Variants in WLS observed in about 807,000 individuals in gnomAD.
WLS encodes the protein protein wntless homolog.
WLS carries 23 observed loss-of-function variants against 62.8 expected under a neutral mutation model. That is an observed-to-expected ratio of 0.37 (90% CI 0.26 to 0.52). The LOEUF is 0.52. WLS is among the 20% of genes least tolerant of loss of function. The pLI, the probability that WLS is intolerant of heterozygous loss-of-function variation, is 0.92. For missense variants in WLS, 615 were observed against 697.3 expected (o/e 0.88, Z 1.33); for synonymous variants, 246 against 244.1 (o/e 1.01, Z -0.07).
intron 2 of WLS, among the ~76,000 whole-genome samples, chr1:68,186,204 T>C (rs1647928453): frequency 6.6e-6 from 1 of 152,216 alleles, no homozygotes; most frequent in Non-Finnish European, 1.5e-5. Flanking sequence ...TTCTATAGTG[T>C]AAGTCAATGC....
intron 1 of WLS, among the ~76,000 whole-genome samples, chr1:68,210,307 C>T (rs1056953049): frequency 2.6e-5 from 4 of 152,138 alleles, no homozygotes; most frequent in African/African-American, 7.2e-5. Flanking sequence ...GGTATTTTAA[C>T]TGGAGAAGAG....
intron 8 of WLS, among the ~76,000 whole-genome samples, chr1:68,146,846 T>C (rs1004896660): frequency 6.6e-6 from 1 of 152,050 alleles, no homozygotes; most frequent in Non-Finnish European, 1.5e-5. Flanking sequence ...GGAAGGCAGA[T>C]GACCTGATTC....
intron 1 of WLS, among the ~76,000 whole-genome samples, chr1:68,230,570 CGTGTGTGTGTGTGCGCGCGT>C (rs1650359545): frequency 8.4e-6 from 1 of 118,586 alleles, no homozygotes; most frequent in Non-Finnish European, 1.8e-5. Context: ...AAAGCCAACC[CGTGTGTGTGTGTGCGCGCGT>C]GTGTGTGTGT....
chr1:68,161,782 TC>T (rs1160453816), intron 2 of WLS: 25 of 1,601,244 alleles, frequency 1.6e-5, no homozygotes, highest in South Asian at 9.0e-5. Context: ...CTCTCGATTG[TC>T]CCCGTGTTTT....
At chr1:68,120,088 T>A (rs1646345378) in intron 11 of WLS, among the ~76,000 whole-genome samples, 1 of 152,170 alleles carries the variant, frequency 6.6e-6, no homozygotes. Context: ...TCACAGCAGA[T>A]CTGCATCAGG....
intron 11 of WLS, among the ~76,000 whole-genome samples, chr1:68,115,546 C>G (rs1646280625): frequency 6.6e-6 from 1 of 152,196 alleles, no homozygotes; most frequent in African/African-American, 2.4e-5. Context: ...CTCAACCTCT[C>G]TGAGCTCCAG....
chr1:68,127,043 T>C, intron 11 of WLS: 1 of 376,316 alleles, frequency 2.7e-6, no homozygotes, highest in Non-Finnish European at 5.2e-6. Context: ...AAATTTGTTT[T>C]AATTACCTGC....
chr1:68,227,279 G>A (rs1451631739), intron 1 of WLS, among the ~76,000 whole-genome samples: 3 of 151,968 alleles, frequency 2.0e-5, no homozygotes, highest in African/African-American at 7.3e-5. Context: ...TTAGCTGGGC[G>A]TGGTAGCAGG....
In WLS at chr1:68,125,485, CAAGAA is replaced by C; in HGVS notation, c.*736_*740del. The C allele has an allele frequency of 1.0e-6, 1 of 985,348 alleles. No individual in the cohort carries two copies. Among genetic ancestry groups the C allele is most frequent in the Non-Finnish European group, 1.2e-6 (1 of 829,908 alleles). The allele number at this position is 985,348 out of a possible 1,614,324, so 61.0% of individuals were successfully genotyped here. On this transcript the variant is annotated 3_prime_UTR_variant, in exon 12 of 12. Coordinates refer to ENST00000262348, the MANE Select transcript of WLS (RefSeq NM_024911.7). ...TTATCAAAATAAAACGCATTTTAAGCAAGAAGTTAAAAAAGCTTTTCAGACCCGAA... is the reference window on the plus strand; with the variant it reads ...TTATCAAAATAAAACGCATTTTAAGCGTTAAAAAAGCTTTTCAGACCCGAA...
chr1:68,120,741 CGTGAT>C (rs1646354833), downstream of WLS, among the ~76,000 whole-genome samples: 1 of 151,868 alleles, frequency 6.6e-6, no homozygotes, highest in Non-Finnish European at 1.5e-5. Context: ...TGTGCACACT[CGTGAT>C]GGAGAGAGCT....
chr1:68,108,968 T>C (rs973744456), intron 11 of WLS, among the ~76,000 whole-genome samples: 7 of 152,170 alleles, frequency 4.6e-5, no homozygotes, highest in African/African-American at 4.8e-5. Flanking sequence ...CTATAAGGAA[T>C]GAAATATTAT....
At chr1:68,146,113 C>A in intron 8 of WLS, 101 bp from the exon 9 acceptor site, 1 of 1,361,372 alleles carries the variant, frequency 7.3e-7, no homozygotes, top group Non-Finnish European at 1.0e-6. Context: ...TGTTTTGTCT[C>A]CAAATATGTA....
intron 1 of WLS, among the ~76,000 whole-genome samples, 164 bp downstream of exon 1, chr1:68,232,030 G>GC (rs1463940380): frequency 6.6e-6 from 1 of 151,504 alleles, no homozygotes; most frequent in Non-Finnish European, 1.5e-5. Context: ...ACTGGATTGT[G>GC]CCCCACGGAG....
At chr1:68,127,114 G>C (rs888136240) in intron 11 of WLS, 2 of 407,916 alleles carry the variant, frequency 4.9e-6, no homozygotes, top group South Asian at 1.7e-5. Context: ...AGGATCACTG[G>C]AGCACAGGAA....
In WLS at chr1:68,194,331, C is replaced by T. The variant is rs142844908; in HGVS notation, c.107-104G>A. On this transcript the variant is annotated intron_variant, in intron 1 of 11. Transcript: ENST00000262348. ...TGTGTTCCCTCCAGCTTTTGTATCG[C>T]CTTCTACAAGTGGGGCTCAGCAATA... 8.2e-3 allele frequency: 11,616 copies of T among 1,424,738 alleles called. 62 individuals carry two copies. Among genetic ancestry groups the T allele is most frequent in the Non-Finnish European group, 9.7e-3 (10,358 of 1,071,962 alleles). The allele number at this position is 1,424,738 out of a possible 1,614,324, so 88.3% of individuals were successfully genotyped here.
chr1:68,154,498 A>G (rs950023280), intron 4 of WLS, among the ~76,000 whole-genome samples: 5 of 152,226 alleles, frequency 3.3e-5, no homozygotes, highest in African/African-American at 1.2e-4. Flanking sequence ...CAAGGAAAAC[A>G]GTCAGTTCAA....
At chr1:68,163,700 A>G (rs896384300) in intron 2 of WLS, among the ~76,000 whole-genome samples, 2 of 151,078 alleles carry the variant, frequency 1.3e-5, no homozygotes, top group Non-Finnish European at 2.9e-5. Context: ...CACTAGGGTT[A>G]TGAAAATGGG....
At chr1:68,198,819 A>G (rs1648826667) in intron 1 of WLS, among the ~76,000 whole-genome samples, 1 of 152,242 alleles carries the variant, frequency 6.6e-6, no homozygotes, top group African/African-American at 2.4e-5. Flanking sequence ...CCAGAATGAC[A>G]GAAAAATCCA....
At position 68,125,926 on chromosome 1, in the gene WLS, T is replaced by G; in HGVS notation, c.*300A>C. 1.4e-5 allele frequency: 9 copies of G among 649,066 alleles called. No homozygotes were observed. The highest frequency in any genetic ancestry group is 1.1e-4 in the East Asian group (1 of 8,948). 40.2% of individuals were successfully genotyped at this position (649,066 alleles called of 1,614,324 possible). ...AATACACCCCCACCCCACCCCCACA[T>G]GAGGTTTACTAACCAGCTGCTACAG... On this transcript the variant is annotated 3_prime_UTR_variant, in exon 12 of 12. Transcript: ENST00000262348.
Sources: allele counts gnomAD v4.1 joint callset (sites outside exome capture counted in the v4.1 genomes callset), GRCh38; gene constraint gnomAD v4.1.1; transcripts MANE v1.5; gene names NCBI Gene and HGNC (gene_info 2026-07-23, HGNC 2026-07-21).